Variants in PRR5L observed in about 807,000 individuals in gnomAD.
The protein encoded by PRR5L is proline rich 5 like.
PRR5L carries 21 observed loss-of-function variants against 36.4 expected under a neutral mutation model. The observed-to-expected ratio is 0.58, with a 90% CI of 0.41 to 0.83. The LOEUF is 0.83. PRR5L is among the 40% of genes least tolerant of loss of function. The pLI is 0.00. For missense variants in PRR5L, 381 were observed against 473.3 expected (o/e 0.80, Z 1.81); for synonymous variants, 188 against 197.0 (o/e 0.95, Z 0.38).
chr11:36,438,940 AAAT>A (rs376142168), intron 6 of PRR5L, among the ~76,000 whole-genome samples: 141 of 152,278 alleles, frequency 9.3e-4, no homozygotes, highest in Non-Finnish European at 1.7e-3. Context: ...GTCTCGAAAT[AAAT>A]AAATACTACG....
In PRR5L at chr11:36,378,519, G is replaced by T. The variant is rs567045786; in HGVS notation, c.-125-22478G>T. On this transcript the variant is annotated intron_variant, in intron 1 of 8. Transcript: ENST00000530639. The stretch of plus-strand genomic sequence containing the variant: ...AACCACTAATATGTAAAAGAAGAAA[G>T]GCACTAGAAATAAGAAAGTCTAACT... 3.3e-5 allele frequency among the ~76,000 whole-genome samples: 5 copies of T among 152,316 alleles called. No individual in the cohort carries two copies. In the East Asian group the frequency reaches 5.8e-4, roughly 18 times the overall value.
At chr11:36,379,879 A>G (rs2133525445) in intron 1 of PRR5L, among the ~76,000 whole-genome samples, 2 of 152,308 alleles carry the variant, frequency 1.3e-5, no homozygotes, top group South Asian at 4.1e-4. Flanking sequence ...TAGCTATGGT[A>G]ATGGTATTTG....
At chr11:36,351,274 A>ATATATATATT (rs1474616178) in intron 1 of PRR5L, among the ~76,000 whole-genome samples, 1 of 79,268 alleles carries the variant, frequency 1.3e-5, no homozygotes, top group Non-Finnish European at 2.1e-5. Context: ...TTATATATTT[A>ATATATATATT]TATATATGTA....
chr11:36,441,319 A>G (rs1248621163), intron 6 of PRR5L, among the ~76,000 whole-genome samples: 2 of 152,236 alleles, frequency 1.3e-5, no homozygotes, highest in Non-Finnish European at 2.9e-5. Flanking sequence ...TTGGGTACAC[A>G]TTCCCATTCC....
At chr11:36,376,873 T>C (rs1857273363) in intron 1 of PRR5L, among the ~76,000 whole-genome samples, 1 of 151,978 alleles carries the variant, frequency 6.6e-6, no homozygotes. Flanking sequence ...TGGGAACTCC[T>C]GCATGGTTAA....
chr11:36,369,556 G>A (rs1396718904), intron 1 of PRR5L, among the ~76,000 whole-genome samples: 5 of 152,058 alleles, frequency 3.3e-5, no homozygotes, highest in Non-Finnish European at 7.4e-5. Flanking sequence ...CAAGAAAGAC[G>A]AAAATCTCTT....
Position 36,344,214 on chromosome 11 carries a change from T to A in PRR5L, c.-126+47776T>A, listed in dbSNP as rs1183413123. 6.7e-6 allele frequency among the ~76,000 whole-genome samples: 1 copy of A among 150,140 alleles called. No homozygotes were observed. Among genetic ancestry groups the A allele is most frequent in the African/African-American group, 2.5e-5 (1 of 40,208 alleles). ...AGCCTGGGCAACAAGCGCAAAACTCTGTCTCAAAAAAAAAAAATCACATGC... is the reference window on the plus strand; with the variant it reads ...AGCCTGGGCAACAAGCGCAAAACTCAGTCTCAAAAAAAAAAAATCACATGC... On this transcript the variant is annotated intron_variant, in intron 1 of 8. Coordinates refer to ENST00000530639, the MANE Select transcript of PRR5L (RefSeq NM_001160167.2). The surrounding 1 kb of genome is among the most constrained non-coding windows in gnomAD (Gnocchi z 4.1).
rs1857288492 is a variant in PRR5L at position 36,377,515 on chromosome 11, C to T, written c.-125-23482C>T. ...GCTGGGACCCTGCCTGCCCAACCCT[C>T]CGGCCCATTTTCCTTGAGGCCGCCG... On this transcript the variant is annotated intron_variant, in intron 1 of 8. Transcript: ENST00000530639. The surrounding 1 kb of genome is among the most constrained non-coding windows in gnomAD (Gnocchi z 5.1). 6.6e-6 allele frequency: 1 copy of T among 152,328 alleles called. No individual in the cohort carries two copies. The highest frequency in any genetic ancestry group is 2.1e-4 in the South Asian group (1 of 4,838). The allele number at this position is 152,328 out of a possible 1,614,324, so 9.4% of individuals were successfully genotyped here.
At chr11:36,318,475 G>C (rs1187157270) in intron 1 of PRR5L, among the ~76,000 whole-genome samples, 1 of 146,698 alleles carries the variant, frequency 6.8e-6, no homozygotes, top group Non-Finnish European at 1.5e-5. Context: ...AGTCCTGCCA[G>C]TTGGTGTTCG....
At chr11:36,444,825 T>TC (rs1858794144) in intron 6 of PRR5L, among the ~76,000 whole-genome samples, 1 of 152,304 alleles carries the variant, frequency 6.6e-6, no homozygotes, top group African/African-American at 2.4e-5. Flanking sequence ...GTTGTTTATG[T>TC]CCCCTCTGCT....
chr11:36,352,109 G>C (rs540100371), intron 1 of PRR5L, among the ~76,000 whole-genome samples: 5 of 151,898 alleles, frequency 3.3e-5, no homozygotes, highest in African/African-American at 1.2e-4. Flanking sequence ...TTATATTTTT[G>C]ATTATGGCCA....
intron 4 of PRR5L, among the ~76,000 whole-genome samples, chr11:36,426,492 T>C (rs1355584018): frequency 6.6e-6 from 1 of 152,246 alleles, no homozygotes; most frequent in Non-Finnish European, 1.5e-5. Flanking sequence ...GATTACATAG[T>C]GAGCAGTCAA....
At chr11:36,332,167 C>A (rs79201905) in intron 1 of PRR5L, among the ~76,000 whole-genome samples, 7,049 of 152,070 alleles carry the variant, frequency 0.046, 499 homozygotes, top group African/African-American at 0.16. Flanking sequence ...AAATCAATAA[C>A]AATAATAATT....
chr11:36,357,480 AATC>A (rs1314514529), intron 1 of PRR5L, among the ~76,000 whole-genome samples: 2 of 152,228 alleles, frequency 1.3e-5, no homozygotes, highest in Non-Finnish European at 2.9e-5. Flanking sequence ...GTTGTTTCCA[AATC>A]TTCAAAGGAC....
At chr11:36,423,949 C>T (rs537299630) in intron 4 of PRR5L, among the ~76,000 whole-genome samples, 93 of 152,324 alleles carry the variant, frequency 6.1e-4, no homozygotes, top group African/African-American at 2.2e-3. Flanking sequence ...TTGGGCTACT[C>T]GCTGTGGGGC....
At chr11:36,323,269 G>C (rs1245414231) in intron 1 of PRR5L, 1 of 152,194 alleles carries the variant, frequency 6.6e-6, no homozygotes, top group Non-Finnish European at 1.5e-5. Context: ...AGTAGGAAGT[G>C]GGTTCTCGTA....
At position 36,451,280 on chromosome 11, in the gene PRR5L, T is replaced by C. The variant is rs1858939207; in HGVS notation, c.657T>C (p.Ser219=). 6.2e-7 allele frequency: 1 copy of C among 1,614,074 alleles called. No homozygotes were observed. The highest frequency in any genetic ancestry group is 8.5e-7 in the Non-Finnish European group (1 of 1,180,024). The change falls in exon 8 of 9, where the codon TCT becomes TCC. Residue 219 remains serine, a synonymous_variant. Transcript: ENST00000530639. ...QLEELVKQVV[S]PFLGISGDRS... ...AGGAGCTGGTGAAGCAAGTGGTTTC[T>C]CCTTTCCTCGGCATCAGCGGGGACC...
At chr11:36,401,484 G>A (rs1006880452) in intron 2 of PRR5L, among the ~76,000 whole-genome samples, 199 bp downstream of exon 2, 1 of 152,094 alleles carries the variant, frequency 6.6e-6, no homozygotes, top group Non-Finnish European at 1.5e-5. Context: ...GAGTGCAGTC[G>A]TGCAATTATA....
chr11:36,426,384 G>A (rs897890786), intron 4 of PRR5L, among the ~76,000 whole-genome samples: 1 of 152,188 alleles, frequency 6.6e-6, no homozygotes, highest in Non-Finnish European at 1.5e-5. Context: ...TAGTCTCTCT[G>A]ATGCTCAGTT....
Sources: gnomAD v4.1 joint callset for allele counts (sites outside exome capture counted in the v4.1 genomes callset) on GRCh38, gnomAD v4.1.1 for gene constraint, Gnocchi (gnomAD v3.1) non-coding constraint, MANE v1.5 for transcripts, NCBI Gene and HGNC (gene_info 2026-07-23, HGNC 2026-07-21) for gene names.